The following FCHSD2 variants were observed in gnomAD, a reference collection of about 807,000 sequenced individuals.
FCHSD2 encodes FCH and double SH3 domains 2, also known as F-BAR and double SH3 domains protein 2.
A neutral mutation model predicts 108.1 loss-of-function variants in FCHSD2; 38 were observed. That is an observed-to-expected ratio of 0.35 (90% confidence interval 0.27 to 0.46). FCHSD2 has a LOEUF of 0.46. FCHSD2 is among the 20% of genes least tolerant of loss of function. The pLI is 1.00. For missense variants in FCHSD2, 751 were observed against 897.8 expected, an observed-to-expected ratio of 0.84 and a Z score of 2.09; for synonymous variants, 279 against 314.7, an observed-to-expected ratio of 0.89 and a Z score of 1.20.
chr11:72,913,848 C>A, intron 9 of FCHSD2, among the ~76,000 whole-genome samples: 1 of 146,006 alleles, frequency 6.8e-6, no homozygotes. Flanking sequence ...AAAAAAAAAC[C>A]CTAGAAATAC....
intron 8 of FCHSD2, among the ~76,000 whole-genome samples, chr11:72,930,875 T>C (rs1049044571): frequency 1.3e-5 from 2 of 152,172 alleles, no homozygotes; most frequent in African/African-American, 2.4e-5. Flanking sequence ...TACTATTTGA[T>C]AGCACAATAG....
intron 12 of FCHSD2, among the ~76,000 whole-genome samples, chr11:72,883,535 A>C (rs2135238397): frequency 6.6e-6 from 1 of 152,350 alleles, no homozygotes; most frequent in East Asian, 1.9e-4. Context: ...AAACTTATAA[A>C]AAGATGCTCA....
At chr11:73,076,723 A>T (rs1351749687) in intron 3 of FCHSD2, among the ~76,000 whole-genome samples, 1 of 152,268 alleles carries the variant, frequency 6.6e-6, no homozygotes. Flanking sequence ...TATTTTTTAA[A>T]GTAACCAGCA....
At chr11:72,889,162 C>T (rs1329383981) in intron 11 of FCHSD2, among the ~76,000 whole-genome samples, 1 of 151,004 alleles carries the variant, frequency 6.6e-6, no homozygotes, top group Non-Finnish European at 1.5e-5. Flanking sequence ...CACCGTAACA[C>T]ATGTTAGCCA....
At chr11:72,915,241 AAAC>A (rs1024926918) in intron 9 of FCHSD2, among the ~76,000 whole-genome samples, 5 of 152,138 alleles carry the variant, frequency 3.3e-5, no homozygotes, top group Non-Finnish European at 7.4e-5. Flanking sequence ...AAAATTAAAA[AAAC>A]AACGGATGCT....
chr11:73,119,980 T>C (rs1591569834), intron 2 of FCHSD2, among the ~76,000 whole-genome samples: 1 of 152,110 alleles, frequency 6.6e-6, no homozygotes, highest in East Asian at 1.9e-4. Flanking sequence ...CTCACAATCA[T>C]GGCGAGGAGG....
At chr11:72,966,371 G>A (rs1856907179) in intron 8 of FCHSD2, among the ~76,000 whole-genome samples, 1 of 152,102 alleles carries the variant, frequency 6.6e-6, no homozygotes, top group South Asian at 2.1e-4. Context: ...TGTTGGCCAG[G>A]CTGGTCTTGA....
chr11:72,959,220 CTTT>C (rs11408216), intron 8 of FCHSD2, among the ~76,000 whole-genome samples: 2 of 56,326 alleles, frequency 3.6e-5, no homozygotes, highest in African/African-American at 1.4e-4. Context: ...ATCCAGCAGT[CTTT>C]TTTTTTTTTT....
Position 72,945,670 on chromosome 11 carries a change from T to C in FCHSD2, c.706-23720A>G, listed in dbSNP as rs373171773. On this transcript the variant is annotated intron_variant, in intron 8 of 19. Coordinates refer to ENST00000409418, the MANE Select transcript of FCHSD2 (RefSeq NM_014824.3). ...ACTCATCTGACAAAGGGCTAATATC[T>C]AGAATCTACAATGAACTCAAACAAA... Among the ~76,000 whole-genome samples the C allele has an allele frequency of 4.8e-3, 735 of 152,090 alleles. 4 individuals carry two copies. The highest frequency in any genetic ancestry group is 0.017 in the African/African-American group (703 of 41,456).
intron 9 of FCHSD2, 26 bp downstream of exon 9, chr11:72,921,802 T>C (rs765550319): frequency 6.3e-7 from 1 of 1,595,498 alleles, no homozygotes; most frequent in Non-Finnish European, 8.6e-7. Flanking sequence ...TGGATAACAC[T>C]ACACGTTGCA....
intron 12 of FCHSD2, among the ~76,000 whole-genome samples, chr11:72,887,140 T>A (rs1349814940): frequency 6.6e-6 from 1 of 151,646 alleles, no homozygotes; most frequent in Admixed American, 6.6e-5. Context: ...TATATATATA[T>A]ATCTAAATTG....
intron 2 of FCHSD2, among the ~76,000 whole-genome samples, chr11:73,119,753 G>C (rs531944254): frequency 6.6e-6 from 1 of 152,078 alleles, no homozygotes; most frequent in African/African-American, 2.4e-5. Flanking sequence ...GGCCTAGACA[G>C]CCATTTAAAG....
chr11:73,050,618 TA>T (rs1239702168), intron 3 of FCHSD2, among the ~76,000 whole-genome samples: 1 of 152,048 alleles, frequency 6.6e-6, no homozygotes, highest in Non-Finnish European at 1.5e-5. Context: ...AAATAAGACA[TA>T]AACTAAGACT....
chr11:73,096,504 T>C (rs763890123), intron 2 of FCHSD2, among the ~76,000 whole-genome samples: 1 of 151,840 alleles, frequency 6.6e-6, no homozygotes, highest in Admixed American at 6.6e-5. Context: ...TGAGCCGAGA[T>C]TGTGCTGCTG....
intron 8 of FCHSD2, among the ~76,000 whole-genome samples, chr11:72,966,829 T>C (rs914215046): frequency 3.9e-5 from 6 of 152,068 alleles, no homozygotes; most frequent in African/African-American, 1.2e-4. Context: ...GAAAATATAA[T>C]AGAGGAATAT....
chr11:72,955,250 T>C (rs146107435), intron 8 of FCHSD2, among the ~76,000 whole-genome samples: 3 of 152,272 alleles, frequency 2.0e-5, no homozygotes, highest in Non-Finnish European at 4.4e-5. Flanking sequence ...CTATAGTGGG[T>C]CACAGAACCC....
rs72969880 is a variant in FCHSD2, at chr11:72,880,431, A to C, written c.1146+7039T>G. Among the ~76,000 whole-genome samples, 1,008 of 152,220 alleles carry C rather than the reference A, an allele frequency of 6.6e-3. 9 individuals carry two copies. The highest frequency in any genetic ancestry group is 0.037 in the Middle Eastern group (11 of 294). On this transcript the variant is annotated intron_variant, in intron 12 of 19. Transcript: ENST00000409418. ...CACAGACCAATGGAACAGAACAGACATCCCAGAAATAATGTACTTATAGCC... is the reference window on the plus strand; with the variant it reads ...CACAGACCAATGGAACAGAACAGACCTCCCAGAAATAATGTACTTATAGCC...
intron 8 of FCHSD2, among the ~76,000 whole-genome samples, chr11:72,936,134 C>T (rs916368112): frequency 2.6e-5 from 4 of 152,218 alleles, no homozygotes; most frequent in African/African-American, 7.2e-5. Context: ...GCTTTCCATT[C>T]CTTATCTGAC....
intron 3 of FCHSD2, among the ~76,000 whole-genome samples, chr11:73,055,074 C>T (rs1052906384): frequency 1.3e-5 from 2 of 152,052 alleles, no homozygotes; most frequent in Non-Finnish European, 2.9e-5. Context: ...TCCTACCTGG[C>T]GGTAGGCAAG....
Sources: allele counts gnomAD v4.1 joint callset (sites outside exome capture counted in the v4.1 genomes callset), GRCh38; gene constraint gnomAD v4.1.1; transcripts MANE v1.5; gene names NCBI Gene and HGNC (gene_info 2026-07-23, HGNC 2026-07-21).